The following PRAG1 variants were observed in gnomAD, a reference collection of about 807,000 sequenced individuals.
The protein encoded by PRAG1 is PEAK1 related, kinase-activating pseudokinase 1.
A neutral mutation model predicts 95.6 loss-of-function variants in PRAG1; 110 were observed. The observed-to-expected ratio is 1.15, with a 90% CI of 0.99 to 1.35. The LOEUF (loss-of-function observed/expected upper bound fraction) is 1.35. Ranked by LOEUF, PRAG1 falls within the 40% of genes most tolerant of loss-of-function variation. PRAG1 has a pLI of 0.00. For missense variants in PRAG1, 2,554 were observed against 1,864.7 expected, an observed-to-expected ratio of 1.37 and a Z score of -6.81; for synonymous variants, 1,052 against 819.4, an observed-to-expected ratio of 1.28 and a Z score of -4.85.
chr8:8,384,158 CTA>C (rs1218091566), intron 1 of PRAG1, among the ~76,000 whole-genome samples: 1 of 152,144 alleles, frequency 6.6e-6, no homozygotes, highest in Non-Finnish European at 1.5e-5. Context: ...TCCTCAGGGT[CTA>C]TCACAGATTC....
chr8:8,321,248 C>A (rs138186529), intron 5 of PRAG1, among the ~76,000 whole-genome samples: 339 of 152,294 alleles, frequency 2.2e-3, no homozygotes, highest in African/African-American at 8.0e-3. Context: ...CCATGTCCAA[C>A]TAATTTTTGG....
At chr8:8,326,925 C>A (rs941831101) in intron 5 of PRAG1, among the ~76,000 whole-genome samples, 6 of 152,186 alleles carry the variant, frequency 3.9e-5, no homozygotes, top group African/African-American at 1.2e-4. Context: ...AATGCTCACA[C>A]AAATGATATT....
At chr8:8,358,586 T>A (rs1435545672) in intron 3 of PRAG1, among the ~76,000 whole-genome samples, 2 of 152,210 alleles carry the variant, frequency 1.3e-5, no homozygotes, top group Non-Finnish European at 2.9e-5. Context: ...AGACACATCA[T>A]TTCTGTTGGA....
Position 8,377,113 on chromosome 8 carries a change from C to A in PRAG1, c.1296G>T (p.Lys432Asn). 6.2e-7 allele frequency: 1 copy of A among 1,613,446 alleles called. No homozygotes were observed. The change falls in exon 3 of 6, where the codon AAG becomes AAT. Residue 432 changes from lysine to asparagine, a missense_variant. Transcript: ENST00000615670. ...CCTGGGCAGCAGCTGCATGTTCTAT[C>A]TTGGCCTGTGACTTGGAAGGCACCG... ...AAPVPSKSQAKIEHAAAAQGQ... is the reference protein window; with the variant it reads ...AAPVPSKSQANIEHAAAAQGQ...
intron 3 of PRAG1, among the ~76,000 whole-genome samples, chr8:8,358,100 G>A (rs776398018): frequency 7.9e-5 from 12 of 152,158 alleles, no homozygotes; most frequent in African/African-American, 2.9e-4. Context: ...TTTTATCTGT[G>A]CTTCTGATCA....
In PRAG1 at chr8:8,376,335, T is replaced by A; in HGVS notation, c.2074A>T (p.Ser692Cys). 2 of 1,614,190 alleles carry A rather than the reference T, an allele frequency of 1.2e-6. No individual in the cohort carries two copies. Among genetic ancestry groups the A allele is most frequent in the Non-Finnish European group, 1.7e-6 (2 of 1,180,044 alleles). ...GQNSKVGTGMSKSASFAFEFP... is the reference protein window; with the variant it reads ...GQNSKVGTGMCKSASFAFEFP... ...TCAAAGGCAAAAGAGGCGGATTTGC[T>A]CATCCCGGTCCCAACTTTGCTGTTC... Residue 692 changes from serine to cysteine, a missense_variant, in exon 3 of 6, where the codon AGC (serine) becomes TGC (cysteine). Transcript: ENST00000615670.
chr8:8,375,305 G>A (rs946580879), intron 3 of PRAG1, among the ~76,000 whole-genome samples: 3 of 151,894 alleles, frequency 2.0e-5, no homozygotes, highest in East Asian at 1.9e-4. Context: ...CCGGGTTCAC[G>A]CCATTCTCCT....
intron 3 of PRAG1, among the ~76,000 whole-genome samples, chr8:8,341,815 T>A (rs1799174468): frequency 6.6e-6 from 1 of 152,172 alleles, no homozygotes; most frequent in Admixed American, 6.5e-5. Flanking sequence ...CTTGTCCAAT[T>A]TGGATATAAA....
intron 3 of PRAG1, among the ~76,000 whole-genome samples, chr8:8,359,978 T>C (rs1197862481): frequency 1.3e-5 from 2 of 152,202 alleles, no homozygotes; most frequent in Non-Finnish European, 2.9e-5. Flanking sequence ...TCCTTCTCCT[T>C]TGACCCTGGA....
Position 8,377,206 on chromosome 8 carries a change from GGCCGGGGGCTGGGGCTCCCCC to G in PRAG1, c.1182_1202del (p.Gly395_Ala401del). 1 of 1,611,770 alleles carries G rather than the reference GGCCGGGGGCTGGGGCTCCCCC, an allele frequency of 6.2e-7. No homozygotes were observed. The highest frequency in any genetic ancestry group is 1.7e-4 in the Middle Eastern group (1 of 6,058). ...CAGGCTGTGTAGCCTCCCGGGGGTGGGCCGGGGGCTGGGGCTCCCCCGTCAGCCCAAGGCATCTGCTAGGGG... is the reference window on the plus strand; with the variant it reads ...CAGGCTGTGTAGCCTCCCGGGGGTGGGTCAGCCCAAGGCATCTGCTAGGGG... On this transcript the variant is annotated inframe_deletion, in exon 3 of 6. Coordinates refer to ENST00000615670, the MANE Select transcript of PRAG1 (RefSeq NM_001080826.3).
chr8:8,319,917 G>T (rs1222639838), intron 5 of PRAG1, among the ~76,000 whole-genome samples: 1 of 152,208 alleles, frequency 6.6e-6, no homozygotes, highest in Non-Finnish European at 1.5e-5. Context: ...CCACTAGAAT[G>T]GGTTCTAATA....
In PRAG1 at chr8:8,319,285, C is replaced by A; in HGVS notation, c.3090G>T (p.Glu1030Asp). 1 of 1,514,382 alleles carries A rather than the reference C, an allele frequency of 6.6e-7. No individual in the cohort carries two copies. Among genetic ancestry groups the A allele is most frequent in the Admixed American group, 2.1e-5 (1 of 47,270 alleles). 93.8% of individuals were successfully genotyped at this position (1,514,382 alleles called of 1,614,324 possible). Reference sequence around the variant, plus strand: ...GGCTGCAGTAGGAGACTGTTTTGGGCTCAGGGGCTTTGCAGATCTGTGGAG... The same window carrying A: ...GGCTGCAGTAGGAGACTGTTTTGGGATCAGGGGCTTTGCAGATCTGTGGAG... ...TYAVKICKAP[E>D]PKTVSYCSPS... The change falls in exon 6 of 6, where the codon GAG (glutamate) becomes GAT (aspartate). Residue 1030 changes from glutamate to aspartate, a missense_variant. Coordinates refer to ENST00000615670, the MANE Select transcript of PRAG1 (RefSeq NM_001080826.3).
At chr8:8,346,883 A>G (rs1444029290) in intron 3 of PRAG1, among the ~76,000 whole-genome samples, 1 of 152,172 alleles carries the variant, frequency 6.6e-6, no homozygotes, top group African/African-American at 2.4e-5. Context: ...TTGAAAACCC[A>G]CATATGCCAG....
At chr8:8,325,166 G>C (rs1203239887) in intron 5 of PRAG1, among the ~76,000 whole-genome samples, 1 of 152,216 alleles carries the variant, frequency 6.6e-6, no homozygotes, top group East Asian at 1.9e-4. Flanking sequence ...ATTTCGTCTA[G>C]ACTGGAGAGC....
chr8:8,382,799 C>T (rs539895861), intron 1 of PRAG1, among the ~76,000 whole-genome samples: 1 of 152,236 alleles, frequency 6.6e-6, no homozygotes, highest in East Asian at 1.9e-4. Flanking sequence ...TAGCTGTTGT[C>T]CCAATTTTAC....
At chr8:8,349,988 A>G (rs1048301411) in intron 3 of PRAG1, among the ~76,000 whole-genome samples, 2 of 152,062 alleles carry the variant, frequency 1.3e-5, no homozygotes, top group Non-Finnish European at 2.9e-5. Flanking sequence ...ATACATGCAC[A>G]CACACACACA....
intron 3 of PRAG1, among the ~76,000 whole-genome samples, chr8:8,343,644 G>A (rs537559946): frequency 6.6e-6 from 1 of 152,314 alleles, no homozygotes; most frequent in African/African-American, 2.4e-5. Flanking sequence ...TCTAGAATAT[G>A]AGTCAACAAA....
At chr8:8,337,476 G>T (rs528218259) in intron 4 of PRAG1, among the ~76,000 whole-genome samples, 1 of 151,528 alleles carries the variant, frequency 6.6e-6, no homozygotes, top group Non-Finnish European at 1.5e-5. Context: ...AAAGAAGAGA[G>T]AGAGAGAGAG....
intron 3 of PRAG1, among the ~76,000 whole-genome samples, chr8:8,362,917 G>C (rs553273551): frequency 1.3e-5 from 2 of 152,234 alleles, no homozygotes; most frequent in Non-Finnish European, 2.9e-5. Context: ...AGTCGCTTAT[G>C]TAAAGGCTTA....
Sources: allele counts gnomAD v4.1 joint callset (sites outside exome capture counted in the v4.1 genomes callset), GRCh38; gene constraint gnomAD v4.1.1; transcripts MANE v1.5; gene names NCBI Gene and HGNC (gene_info 2026-07-23, HGNC 2026-07-21).